Variants in RBFOX1 observed in about 807,000 individuals in gnomAD.
RBFOX1 encodes the protein RNA binding protein fox-1 homolog 1.
A neutral mutation model predicts 57.7 loss-of-function variants in RBFOX1; 8 were observed. That is an observed-to-expected ratio of 0.14 (90% CI 0.08 to 0.25). RBFOX1 has a LOEUF of 0.25. RBFOX1 is among the 10% of genes least tolerant of loss of function. The pLI is 1.00. For synonymous variants in RBFOX1, 326 were observed against 222.4 expected (o/e 1.47, Z -4.15); for missense variants, 611 against 548.5 (o/e 1.11, Z -1.14).
chr16:5,541,967 T>C (rs181954200), intron 2 of RBFOX1, among the ~76,000 whole-genome samples: 9 of 152,256 alleles, frequency 5.9e-5, no homozygotes, highest in Non-Finnish European at 1.2e-4. Context: ...AGTGGTGATT[T>C]CTGAGATTTT....
intron 3 of RBFOX1, among the ~76,000 whole-genome samples, chr16:5,802,978 T>A (rs1167063227): frequency 6.6e-6 from 1 of 152,174 alleles, no homozygotes; most frequent in Non-Finnish European, 1.5e-5. Flanking sequence ...ACACAGCCCC[T>A]TGAGTTCTGA....
intron 1 of RBFOX1, among the ~76,000 whole-genome samples, chr16:5,447,890 A>G (rs2068299219): frequency 6.6e-6 from 1 of 152,172 alleles, no homozygotes. Context: ...TTTTCATTTC[A>G]GGTGGCCTCC....
chr16:6,281,194 A>G (rs192187859), intron 1 of RBFOX1, among the ~76,000 whole-genome samples: 3 of 152,016 alleles, frequency 2.0e-5, no homozygotes, highest in East Asian at 2.0e-4. Flanking sequence ...TGTGCAGCCA[A>G]CTTTCAGAGG....
At chr16:6,233,110 T>C (rs913040121) in intron 1 of RBFOX1, among the ~76,000 whole-genome samples, 2 of 152,030 alleles carry the variant, frequency 1.3e-5, no homozygotes, top group Non-Finnish European at 2.9e-5. Context: ...CTGGGTGAGA[T>C]AGAGAGAGAT....
At chr16:6,966,928 C>T (rs976895999) in intron 3 of RBFOX1, among the ~76,000 whole-genome samples, 2 of 148,252 alleles carry the variant, frequency 1.3e-5, no homozygotes, top group Non-Finnish European at 3.0e-5. Flanking sequence ...TCCATCCATC[C>T]ATCCATCCAT....
chr16:6,636,792 T>TATATATAAC (rs751468801), intron 2 of RBFOX1, among the ~76,000 whole-genome samples: 1 of 10,166 alleles, frequency 9.8e-5, no homozygotes, highest in East Asian at 0.018. Flanking sequence ...TAATATATAA[T>TATATATAAC]ATATGTTATA....
intron 1 of RBFOX1, among the ~76,000 whole-genome samples, chr16:6,192,591 A>G (rs1374373909): frequency 2.0e-5 from 3 of 152,172 alleles, no homozygotes; most frequent in Non-Finnish European, 4.4e-5. Context: ...AATTTATGAT[A>G]GAAAATGGTA....
intron 14 of RBFOX1, among the ~76,000 whole-genome samples, chr16:7,692,599 T>C (rs895528679): frequency 6.6e-6 from 1 of 152,176 alleles, no homozygotes; most frequent in Non-Finnish European, 1.5e-5. Flanking sequence ...ACTCAGACGA[T>C]CTTATTTGTA....
At chr16:7,580,668 C>T (rs577618899) in intron 6 of RBFOX1, among the ~76,000 whole-genome samples, 5 of 152,222 alleles carry the variant, frequency 3.3e-5, no homozygotes, top group African/African-American at 1.2e-4. Context: ...GGTCATCTTG[C>T]CCCTGATTAT....
intron 5 of RBFOX1, among the ~76,000 whole-genome samples, chr16:7,564,782 C>A (rs1441381244): frequency 6.9e-6 from 1 of 145,564 alleles, no homozygotes; most frequent in Non-Finnish European, 1.5e-5. Context: ...CACCTGGCCC[C>A]TTGTACATTC....
At chr16:6,642,182 C>G (rs1256501118) in intron 2 of RBFOX1, among the ~76,000 whole-genome samples, 3 of 152,218 alleles carry the variant, frequency 2.0e-5, no homozygotes, top group African/African-American at 4.8e-5. Flanking sequence ...CAGGCTCGTA[C>G]TTTCTCTTCG....
chr16:5,599,065 C>T lies in RBFOX1; in HGVS notation c.422C>T (p.Pro141Leu), dbSNP rs747045552. The T allele has an allele frequency of 3.3e-5, 35 of 1,048,216 alleles. No homozygotes were observed. The South Asian group carries it at 4.6e-4, about 14-fold the overall frequency. The allele number at this position is 1,048,216 out of a possible 1,614,324, so 64.9% of individuals were successfully genotyped here. ...ATCAATCACCGGGAATGGTTTTTAC[C>T]TGAAACTGATCTTGCTGGAGAATTA... Residue 141 changes from proline to leucine, a missense_variant, in exon 3 of 3, where the codon CCT becomes CTT. Transcript: ENST00000585867.
chr16:7,354,312 T>C (rs1305035414), intron 4 of RBFOX1, among the ~76,000 whole-genome samples: 2 of 152,232 alleles, frequency 1.3e-5, no homozygotes, highest in Admixed American at 6.5e-5. Context: ...GGAATATGAA[T>C]TATTATTTCA....
chr16:5,724,537 G>A (rs1315058781), intron 3 of RBFOX1, among the ~76,000 whole-genome samples: 1 of 152,158 alleles, frequency 6.6e-6, no homozygotes, highest in African/African-American at 2.4e-5. Context: ...TGAGAGCTTA[G>A]GGAAGGCATC....
At chr16:5,895,171 T>C (rs539975246) in intron 4 of RBFOX1, among the ~76,000 whole-genome samples, 1 of 152,228 alleles carries the variant, frequency 6.6e-6, no homozygotes, top group Non-Finnish European at 1.5e-5. Context: ...ATATCAACAT[T>C]TCATGCCCTT....
chr16:7,505,316 C>G (rs1182289886), intron 4 of RBFOX1, among the ~76,000 whole-genome samples: 1 of 151,416 alleles, frequency 6.6e-6, no homozygotes, highest in African/African-American at 2.4e-5. Context: ...GAGATGGACA[C>G]CAAAATGTGT....
At chr16:5,977,270 T>G (rs1438197071) in intron 4 of RBFOX1, among the ~76,000 whole-genome samples, 1 of 152,168 alleles carries the variant, frequency 6.6e-6, no homozygotes, top group South Asian at 2.1e-4. Flanking sequence ...GCCTGCCCCA[T>G]GACCCTGGAG....
At chr16:5,688,527 A>G (rs2050572239) in intron 3 of RBFOX1, among the ~76,000 whole-genome samples, 1 of 152,154 alleles carries the variant, frequency 6.6e-6, no homozygotes, top group Non-Finnish European at 1.5e-5. Flanking sequence ...TACCTCCCAG[A>G]TGTCCAGTGA....
chr16:6,556,546 C>T (rs150078467), intron 2 of RBFOX1, among the ~76,000 whole-genome samples: 16 of 152,292 alleles, frequency 1.1e-4, no homozygotes, highest in African/African-American at 3.9e-4. Context: ...ACGAATCAGC[C>T]ATTCACTGGG....
Sources: allele counts gnomAD v4.1 joint callset (sites outside exome capture counted in the v4.1 genomes callset), GRCh38; gene constraint gnomAD v4.1.1; transcripts MANE v1.5; gene names NCBI Gene and HGNC (gene_info 2026-07-23, HGNC 2026-07-21).